Variants in RALYL observed in about 807,000 individuals in gnomAD.
RALYL encodes RNA-binding Raly-like protein.
In RALYL, 29 loss-of-function variants were observed where a neutral mutation model predicts 35.1. The ratio of observed to expected loss-of-function variants is 0.83; its 90% CI spans 0.61 to 1.13. The LOEUF (loss-of-function observed/expected upper bound fraction) is 1.13. RALYL is among the 50% of genes most tolerant of loss of function. RALYL has a pLI of 0.00. For synonymous variants in RALYL, 120 were observed against 127.6 expected, an observed-to-expected ratio of 0.94 and a Z score of 0.40; for missense variants, 359 against 360.4, an observed-to-expected ratio of 1.00 and a Z score of 0.03.
At chr8:84,479,072 C>T (rs1193774782) in intron 1 of RALYL, among the ~76,000 whole-genome samples, 2 of 83,888 alleles carry the variant, frequency 2.4e-5, no homozygotes, top group South Asian at 4.5e-4. Context: ...GGTGACAGAG[C>T]AAGACTCCGT....
intron 1 of RALYL, among the ~76,000 whole-genome samples, chr8:84,241,348 T>C (rs1426942320): frequency 6.6e-6 from 1 of 152,200 alleles, no homozygotes; most frequent in Non-Finnish European, 1.5e-5. Flanking sequence ...TTGGAATACC[T>C]GATAATCCCT....
intron 2 of RALYL, among the ~76,000 whole-genome samples, chr8:84,570,324 TG>T (rs1199807855): frequency 3.3e-5 from 5 of 150,594 alleles, no homozygotes; most frequent in South Asian, 2.1e-4. Flanking sequence ...TATTCTAAAT[TG>T]TTTTTTTTTT....
intron 3 of RALYL, among the ~76,000 whole-genome samples, chr8:84,784,966 ACT>A (rs1819041792): frequency 6.6e-6 from 1 of 152,220 alleles, no homozygotes; most frequent in Non-Finnish European, 1.5e-5. Context: ...ATATCACAAT[ACT>A]TAGGGATCTT....
intron 4 of RALYL, among the ~76,000 whole-genome samples, chr8:84,842,532 C>G (rs1045141160): frequency 1.3e-5 from 2 of 152,204 alleles, no homozygotes; most frequent in African/African-American, 4.8e-5. Flanking sequence ...CGAATTCTAC[C>G]AGAGGTACAA....
intron 8 of RALYL, among the ~76,000 whole-genome samples, chr8:84,899,911 T>C (rs1252596529): frequency 6.6e-6 from 1 of 152,180 alleles, no homozygotes; most frequent in African/African-American, 2.4e-5. Flanking sequence ...GAAAGTAAAT[T>C]TCAGAGGATT....
At chr8:84,339,663 G>C (rs1848432933) in intron 1 of RALYL, among the ~76,000 whole-genome samples, 1 of 151,674 alleles carries the variant, frequency 6.6e-6, no homozygotes, top group Non-Finnish European at 1.5e-5. Context: ...TGGAAAAATG[G>C]TCTTCTGCAA....
At chr8:84,677,654 G>C (rs903252407) in intron 2 of RALYL, among the ~76,000 whole-genome samples, 2 of 152,160 alleles carry the variant, frequency 1.3e-5, no homozygotes, top group African/African-American at 2.4e-5. Context: ...CTTAAAACCA[G>C]CAGTATTTAT....
At chr8:84,901,315 A>G (rs780385764) in intron 8 of RALYL, among the ~76,000 whole-genome samples, 14 of 152,288 alleles carry the variant, frequency 9.2e-5, no homozygotes, top group Middle Eastern at 3.4e-3. Context: ...AATCTCACAC[A>G]TTTTATTTGG....
intron 1 of RALYL, among the ~76,000 whole-genome samples, chr8:84,401,878 C>A (rs929618663): frequency 7.1e-6 from 1 of 140,668 alleles, no homozygotes; most frequent in Non-Finnish European, 1.5e-5. Context: ...TGGTCATGCT[C>A]TCTGCCTCAA....
chr8:84,726,130 T>C (rs1844899573), intron 2 of RALYL, among the ~76,000 whole-genome samples: 1 of 150,530 alleles, frequency 6.6e-6, no homozygotes, highest in South Asian at 2.1e-4. Flanking sequence ...ACAATCATCA[T>C]TTTGAATAAT....
At chr8:84,715,107 C>A (rs886337264) in intron 2 of RALYL, among the ~76,000 whole-genome samples, 7 of 151,804 alleles carry the variant, frequency 4.6e-5, no homozygotes, top group Non-Finnish European at 7.4e-5. Context: ...CATTTGAATT[C>A]TAATTTTACA....
intron 1 of RALYL, among the ~76,000 whole-genome samples, chr8:84,303,242 G>A (rs1841159425): frequency 6.6e-6 from 1 of 152,162 alleles, no homozygotes; most frequent in South Asian, 2.1e-4. Context: ...GACATAATGT[G>A]TAGTTGTTAT....
intron 1 of RALYL, among the ~76,000 whole-genome samples, chr8:84,458,912 G>T (rs973819060): frequency 6.6e-6 from 1 of 151,646 alleles, no homozygotes; most frequent in Non-Finnish European, 1.5e-5. Context: ...GATGAAGTAT[G>T]TATGTACTTT....
At chr8:84,518,168 T>C (rs2058200385) in intron 1 of RALYL, among the ~76,000 whole-genome samples, 1 of 151,728 alleles carries the variant, frequency 6.6e-6, no homozygotes, top group Non-Finnish European at 1.5e-5. Context: ...TAGTTATACC[T>C]ATAGTCAACC....
chr8:84,369,895 A>G (rs1855336253), intron 1 of RALYL, among the ~76,000 whole-genome samples: 1 of 152,158 alleles, frequency 6.6e-6, no homozygotes, highest in Non-Finnish European at 1.5e-5. Flanking sequence ...GAATTAAAAC[A>G]GAACATCACT....
At chr8:84,452,090 T>C (rs1287341086) in intron 1 of RALYL, among the ~76,000 whole-genome samples, 1 of 151,944 alleles carries the variant, frequency 6.6e-6, no homozygotes, top group Non-Finnish European at 1.5e-5. Flanking sequence ...TACCCACAGA[T>C]AGGGCAGTGT....
intron 2 of RALYL, among the ~76,000 whole-genome samples, chr8:84,702,032 A>G (rs2132323590): frequency 6.6e-6 from 1 of 152,312 alleles, no homozygotes; most frequent in Admixed American, 6.5e-5. Flanking sequence ...CTGAAGCATC[A>G]AATAAGAATG....
At chr8:84,262,401 T>C (rs1832490036) in intron 1 of RALYL, among the ~76,000 whole-genome samples, 1 of 152,194 alleles carries the variant, frequency 6.6e-6, no homozygotes, top group African/African-American at 2.4e-5. Flanking sequence ...TTCAATGTGT[T>C]ATCAAAATGT....
chr8:84,395,508 T>C (rs2039502980), intron 1 of RALYL, among the ~76,000 whole-genome samples: 1 of 151,880 alleles, frequency 6.6e-6, no homozygotes, highest in Non-Finnish European at 1.5e-5. Context: ...AAATCATCAG[T>C]GTAATCTGTA....
Sources: gnomAD v4.1 joint callset for allele counts (sites outside exome capture counted in the v4.1 genomes callset) on GRCh38, gnomAD v4.1.1 for gene constraint, MANE v1.5 for transcripts, NCBI Gene and HGNC (gene_info 2026-07-23, HGNC 2026-07-21) for gene names.